Variants in CSMD2 observed in about 807,000 individuals in gnomAD.
CSMD2 encodes the protein CUB and sushi domain-containing protein 2.
A neutral mutation model predicts 398.5 loss-of-function variants in CSMD2; 130 were observed. The ratio of observed to expected loss-of-function variants is 0.33; its 90% confidence interval spans 0.28 to 0.38. The LOEUF (loss-of-function observed/expected upper bound fraction) is 0.38, where lower values mean the gene tolerates loss of function less well. Among genes scored for constraint, CSMD2 ranks in the 10% least tolerant of loss-of-function variants. The pLI, the probability that CSMD2 is intolerant of heterozygous loss-of-function variation, is 1.00. For missense variants in CSMD2, 3,829 were observed against 4,764.9 expected (o/e 0.80, Z 5.78); for synonymous variants, 1,828 against 1,908.5 (o/e 0.96, Z 1.10).
At chr1:34,138,472 G>C (rs555620014) in intron 1 of CSMD2, among the ~76,000 whole-genome samples, 1 of 152,346 alleles carries the variant, frequency 6.6e-6, no homozygotes, top group South Asian at 2.1e-4. Context: ...GGTGGTAAGA[G>C]TAACCATATC....
At chr1:33,562,085 G>C (rs533910154) in intron 53 of CSMD2, among the ~76,000 whole-genome samples, 21 of 152,278 alleles carry the variant, frequency 1.4e-4, no homozygotes, top group African/African-American at 4.6e-4. Context: ...TACAGGAGGG[G>C]GTAGTTGTCA....
chr1:33,554,920 A>G (rs1448799253), intron 55 of CSMD2, among the ~76,000 whole-genome samples: 2 of 152,174 alleles, frequency 1.3e-5, no homozygotes, highest in Non-Finnish European at 2.9e-5. Context: ...ATGTCTGCTA[A>G]CACAACATCC....
At chr1:34,066,566 GCC>G (rs1309864910) in intron 2 of CSMD2, among the ~76,000 whole-genome samples, 4 of 152,178 alleles carry the variant, frequency 2.6e-5, no homozygotes. Flanking sequence ...AGCTGCTAAG[GCC>G]CTGGGGGCTG....
At chr1:34,106,102 GT>G (rs1470940731) in intron 1 of CSMD2, among the ~76,000 whole-genome samples, 1 of 152,162 alleles carries the variant, frequency 6.6e-6, no homozygotes, top group African/African-American at 2.4e-5. Flanking sequence ...GCAGTAGGGA[GT>G]TGGGGGAGAT....
At chr1:33,634,894 C>T (rs1006768092) in intron 31 of CSMD2, among the ~76,000 whole-genome samples, 2 of 152,114 alleles carry the variant, frequency 1.3e-5, no homozygotes, top group African/African-American at 2.4e-5. Flanking sequence ...TCTAGATCTG[C>T]GGCACCTCCC....
intron 2 of CSMD2, among the ~76,000 whole-genome samples, chr1:34,058,756 G>A (rs1200193838): frequency 1.3e-5 from 2 of 152,124 alleles, no homozygotes; most frequent in East Asian, 3.9e-4. Flanking sequence ...ACTTTATTAG[G>A]GCTGGTCAGC....
intron 10 of CSMD2, among the ~76,000 whole-genome samples, chr1:33,793,885 G>A (rs1038830970): frequency 3.9e-5 from 6 of 152,068 alleles, no homozygotes; most frequent in Admixed American, 1.3e-4. Context: ...GTGGGGGATG[G>A]TGCCATTCAT....
intron 19 of CSMD2, among the ~76,000 whole-genome samples, chr1:33,716,732 T>C (rs1646184175): frequency 6.6e-6 from 1 of 152,210 alleles, no homozygotes; most frequent in African/African-American, 2.4e-5. Flanking sequence ...TTTACAGTTC[T>C]AAAATTACAG....
chr1:33,643,410 T>C (rs1383183436), intron 29 of CSMD2, among the ~76,000 whole-genome samples: 1 of 152,230 alleles, frequency 6.6e-6, no homozygotes, highest in Non-Finnish European at 1.5e-5. Context: ...TTAGCCCCAT[T>C]CTCCCTTCCA....
chr1:33,798,816 C>T (rs1407690652), intron 10 of CSMD2, among the ~76,000 whole-genome samples: 2 of 152,266 alleles, frequency 1.3e-5, no homozygotes, highest in East Asian at 3.9e-4. Flanking sequence ...CCACTGGAGG[C>T]CCTGGAGAAC....
chr1:33,908,490 C>T (rs1643255928), intron 5 of CSMD2, among the ~76,000 whole-genome samples: 2 of 152,274 alleles, frequency 1.3e-5, no homozygotes, highest in South Asian at 4.1e-4. Context: ...GGCCGCCTCG[C>T]AGATGAGGCA....
intron 15 of CSMD2, among the ~76,000 whole-genome samples, chr1:33,736,105 A>C (rs1033412449): frequency 2.6e-5 from 4 of 152,224 alleles, no homozygotes; most frequent in African/African-American, 9.6e-5. Flanking sequence ...CCCTGGGGTC[A>C]GGGTCTCCAA....
chr1:33,573,963 A>T (rs771169308), intron 49 of CSMD2, among the ~76,000 whole-genome samples: 4 of 152,246 alleles, frequency 2.6e-5, no homozygotes, highest in Non-Finnish European at 5.9e-5. Flanking sequence ...AAACTGGCAT[A>T]AGACTTCCCA....
At chr1:34,079,899 T>C (rs972417848) in intron 2 of CSMD2, among the ~76,000 whole-genome samples, 1 of 152,060 alleles carries the variant, frequency 6.6e-6, no homozygotes, top group African/African-American at 2.4e-5. Flanking sequence ...AGCAAACATA[T>C]CAGTTGTTAC....
intron 7 of CSMD2, among the ~76,000 whole-genome samples, chr1:33,824,936 C>A (rs1448576253): frequency 6.6e-6 from 1 of 152,112 alleles, no homozygotes; most frequent in Non-Finnish European, 1.5e-5. Context: ...AAAAAAACCT[C>A]CCCTGCTTTT....
chr1:33,964,468 G>A (rs1645485751), intron 3 of CSMD2, among the ~76,000 whole-genome samples: 1 of 152,230 alleles, frequency 6.6e-6, no homozygotes, highest in African/African-American at 2.4e-5. Context: ...ATTGCTGGAT[G>A]AATGAAGAAA....
At chr1:33,643,087 T>C (rs1643204576) in intron 29 of CSMD2, among the ~76,000 whole-genome samples, 1 of 152,190 alleles carries the variant, frequency 6.6e-6, no homozygotes, top group South Asian at 2.1e-4. Flanking sequence ...AGCAGAGCCC[T>C]GGATCTCTCT....
At chr1:33,663,388 C>T (rs957976260) in intron 25 of CSMD2, among the ~76,000 whole-genome samples, 2 of 152,148 alleles carry the variant, frequency 1.3e-5, no homozygotes, top group Non-Finnish European at 2.9e-5. Context: ...CTCTCCTCAA[C>T]CTTACATAGC....
chr1:33,695,099 G>T (rs1182823611), intron 24 of CSMD2, among the ~76,000 whole-genome samples: 1 of 152,148 alleles, frequency 6.6e-6, no homozygotes, highest in Non-Finnish European at 1.5e-5. Context: ...TGACCAGGTC[G>T]GTTGGGTGGC....
Sources: gnomAD v4.1 joint callset for allele counts (sites outside exome capture counted in the v4.1 genomes callset) on GRCh38, gnomAD v4.1.1 for gene constraint, MANE v1.5 for transcripts, NCBI Gene and HGNC (gene_info 2026-07-23, HGNC 2026-07-21) for gene names.